The following CACNA2D3 variants were observed in gnomAD, a reference collection of about 807,000 sequenced individuals.
CACNA2D3 encodes calcium voltage-gated channel auxiliary subunit alpha2delta 3.
In CACNA2D3, 60 loss-of-function variants were observed where a neutral mutation model predicts 160.6. The ratio of observed to expected loss-of-function variants is 0.37; its 90% CI spans 0.30 to 0.46. CACNA2D3 has a LOEUF of 0.46. CACNA2D3 is among the 20% of genes least tolerant of loss of function. The probability of loss-of-function intolerance (pLI) is 1.00; values close to 1 mark genes in which losing one functional copy is unlikely to be tolerated. For synonymous variants in CACNA2D3, 558 were observed against 492.9 expected, an observed-to-expected ratio of 1.13 and a Z score of -1.75; for missense variants, 1,205 against 1,365.0, an observed-to-expected ratio of 0.88 and a Z score of 1.85.
chr3:54,584,280 C>T (rs1702724633), intron 9 of CACNA2D3, among the ~76,000 whole-genome samples: 1 of 152,092 alleles, frequency 6.6e-6, no homozygotes, highest in African/African-American at 2.4e-5. Context: ...TTTTAACAAG[C>T]AATTAGGAAT....
At chr3:54,535,677 G>T (rs1178000932) in intron 5 of CACNA2D3, among the ~76,000 whole-genome samples, 1 of 152,122 alleles carries the variant, frequency 6.6e-6, no homozygotes, top group Non-Finnish European at 1.5e-5. Context: ...TAATTATAGA[G>T]GTATCACTTT....
chr3:54,340,976 T>C (rs1479146181), intron 3 of CACNA2D3, among the ~76,000 whole-genome samples: 1 of 152,186 alleles, frequency 6.6e-6, no homozygotes, highest in Non-Finnish European at 1.5e-5. Context: ...TACTCACTGC[T>C]CCCCACTTCC....
intron 4 of CACNA2D3, among the ~76,000 whole-genome samples, chr3:54,458,985 A>G (rs1420436945): frequency 6.6e-6 from 1 of 151,748 alleles, no homozygotes; most frequent in South Asian, 2.1e-4. Flanking sequence ...ATATGTTCTC[A>G]TTGTTCAATT....
At chr3:54,860,014 A>ACACACACAC (rs3086632) in intron 17 of CACNA2D3, among the ~76,000 whole-genome samples, 1 of 150,326 alleles carries the variant, frequency 6.7e-6, no homozygotes, top group Admixed American at 6.6e-5. Flanking sequence ...ACACACACAC[A>ACACACACAC]AACACACATA....
chr3:54,942,382 C>T (rs1300643894), intron 27 of CACNA2D3, among the ~76,000 whole-genome samples: 4 of 152,266 alleles, frequency 2.6e-5, no homozygotes, highest in East Asian at 1.9e-4. Context: ...GCAGCCTCCA[C>T]GAGAGCATGC....
chr3:55,073,329 T>C (rs1704859558), intron 35 of CACNA2D3, 116 bp from the exon 36 acceptor site: 4 of 674,386 alleles, frequency 5.9e-6, no homozygotes, highest in Non-Finnish European at 1.1e-5. Context: ...TAAAATAGTC[T>C]CCAAAATTTG....
At chr3:54,471,468 AC>A (rs1700730540) in intron 4 of CACNA2D3, among the ~76,000 whole-genome samples, 1 of 152,158 alleles carries the variant, frequency 6.6e-6, no homozygotes, top group Admixed American at 6.5e-5. Flanking sequence ...TAAAATCAAC[AC>A]CCTAACATCA....
At chr3:55,017,999 A>G (rs568174336) in intron 34 of CACNA2D3, among the ~76,000 whole-genome samples, 1 of 152,328 alleles carries the variant, frequency 6.6e-6, no homozygotes, top group African/African-American at 2.4e-5. Context: ...GATCCAGCCA[A>G]CACAACTGTT....
intron 5 of CACNA2D3, among the ~76,000 whole-genome samples, chr3:54,527,621 C>T (rs1017579610): frequency 1.3e-5 from 2 of 152,084 alleles, no homozygotes; most frequent in Non-Finnish European, 1.5e-5. Context: ...ATGTTATGGA[C>T]GAAGGGAGCC....
intron 27 of CACNA2D3, among the ~76,000 whole-genome samples, chr3:54,955,107 G>GT (rs766782937): frequency 2.0e-5 from 3 of 152,136 alleles, no homozygotes; most frequent in Non-Finnish European, 2.9e-5. Flanking sequence ...TCGAACGTAC[G>GT]TAACATGGGG....
chr3:55,021,914 C>G (rs563148729), intron 35 of CACNA2D3, among the ~76,000 whole-genome samples: 1 of 151,932 alleles, frequency 6.6e-6, no homozygotes. Context: ...TCTGTGGAAA[C>G]TTGCTTTGTA....
intron 11 of CACNA2D3, among the ~76,000 whole-genome samples, chr3:54,674,882 G>C (rs1198956815): frequency 6.6e-6 from 1 of 152,134 alleles, no homozygotes; most frequent in Non-Finnish European, 1.5e-5. Context: ...GTAGAAGTCG[G>C]GTAGAAGACA....
At chr3:54,234,941 T>C (rs1577015968) in intron 2 of CACNA2D3, among the ~76,000 whole-genome samples, 1 of 152,080 alleles carries the variant, frequency 6.6e-6, no homozygotes, top group African/African-American at 2.4e-5. Flanking sequence ...TGAAATAATA[T>C]GTACAACAAA....
At chr3:54,161,244 C>A (rs556265125) in intron 2 of CACNA2D3, among the ~76,000 whole-genome samples, 1 of 152,214 alleles carries the variant, frequency 6.6e-6, no homozygotes, top group Non-Finnish European at 1.5e-5. Context: ...CAAACCCAAC[C>A]CATCTCCACT....
intron 13 of CACNA2D3, among the ~76,000 whole-genome samples, chr3:54,796,739 G>C (rs1307138261): frequency 1.3e-5 from 2 of 152,148 alleles, no homozygotes; most frequent in Non-Finnish European, 2.9e-5. Context: ...CATTTACTGT[G>C]TTCACTTCCG....
chr3:54,212,791 G>A (rs1701398618), intron 2 of CACNA2D3, among the ~76,000 whole-genome samples: 1 of 152,136 alleles, frequency 6.6e-6, no homozygotes, highest in Non-Finnish European at 1.5e-5. Flanking sequence ...TGTCTGTCTT[G>A]TACTCAGAGC....
chr3:54,618,374 T>TATATATATATATGC, intron 9 of CACNA2D3, among the ~76,000 whole-genome samples: 27 of 54,580 alleles, frequency 4.9e-4, no homozygotes, highest in African/African-American at 2.4e-3. Flanking sequence ...TATATATATA[T>TATATATATATATGC]GCACACACAC....
intron 2 of CACNA2D3, among the ~76,000 whole-genome samples, chr3:54,243,601 AGTT>A (rs1454012628): frequency 1.3e-5 from 2 of 152,218 alleles, no homozygotes; most frequent in South Asian, 2.1e-4. Flanking sequence ...AAAAAAGATT[AGTT>A]GTTAAGAATC....
In CACNA2D3 at chr3:54,570,094, A is replaced by C. The variant is rs374420641; in HGVS notation, c.878A>C (p.Asn293Thr). ...LDTLGDDDFF[N>T]IIAYNEELHY... is the part of the protein sequence containing the mutation. ...ACACTTGGGGATGATGACTTCTTCA[A>C]CATAATTGCTGTGAGTGCACCGTTT... is the stretch of plus-strand genomic sequence containing the variant. The change falls in exon 8 of 38, where the codon AAC (asparagine) becomes ACC (threonine). Residue 293 changes from asparagine to threonine, a missense_variant. Coordinates refer to ENST00000474759, the MANE Select transcript of CACNA2D3 (RefSeq NM_018398.3). 14 of 1,613,234 alleles carry C rather than the reference A, an allele frequency of 8.7e-6. No individual in the cohort carries two copies. The highest frequency in any genetic ancestry group is 1.2e-5 in the Non-Finnish European group (14 of 1,179,412).
Sources: allele counts gnomAD v4.1 joint callset (sites outside exome capture counted in the v4.1 genomes callset), GRCh38; gene constraint gnomAD v4.1.1; transcripts MANE v1.5; gene names NCBI Gene and HGNC (gene_info 2026-07-23, HGNC 2026-07-21).